TTC28: variants seen among roughly 807,000 people sequenced by gnomAD.
TTC28 encodes the protein tetratricopeptide repeat domain 28, also known as tetratricopeptide repeat protein 28.
In TTC28, 61 loss-of-function variants were observed where a neutral mutation model predicts 198.0. The observed-to-expected ratio is 0.31, with a 90% confidence interval of 0.25 to 0.38. The LOEUF (loss-of-function observed/expected upper bound fraction) is 0.38. Ranked by LOEUF, TTC28 falls within the 10% of genes least tolerant of loss-of-function variation. TTC28 has a pLI of 1.00. For missense variants in TTC28, 2,678 were observed against 3,164.0 expected (o/e 0.85, Z 3.69); for synonymous variants, 1,171 against 1,297.8 (o/e 0.90, Z 2.10).
chr22:28,506,114 G>C (rs891715241), intron 2 of TTC28, among the ~76,000 whole-genome samples: 1 of 152,116 alleles, frequency 6.6e-6, no homozygotes, highest in Non-Finnish European at 1.5e-5. Flanking sequence ...AGCCACTCCA[G>C]CCAGGGTTCT....
chr22:28,491,033 G>A (rs906888331), intron 2 of TTC28, among the ~76,000 whole-genome samples: 4 of 152,108 alleles, frequency 2.6e-5, no homozygotes, highest in East Asian at 1.9e-4. Flanking sequence ...TTTTTGGGGG[G>A]AAATAAAACT....
intron 2 of TTC28, among the ~76,000 whole-genome samples, chr22:28,542,196 G>A (rs910476666): frequency 9.9e-5 from 15 of 151,964 alleles, no homozygotes; most frequent in Non-Finnish European, 1.3e-4. Context: ...AAACTCACTA[G>A]ATAAATTAAC....
At chr22:28,662,171 T>C (rs1192812127) in intron 1 of TTC28, among the ~76,000 whole-genome samples, 7 of 152,358 alleles carry the variant, frequency 4.6e-5, no homozygotes, top group African/African-American at 1.4e-4. Flanking sequence ...ATCAGTATTA[T>C]AGAGACAAAT....
In TTC28 at chr22:28,099,028, G is replaced by A. The variant is rs748948933; in HGVS notation, c.3434C>T (p.Ala1145Val). Reference sequence around the variant, plus strand: ...CTCATGTCGGATTGTTTCAAACAAGGCTGATGCCCTATAAAGCTGCAAGGA... The same window carrying A: ...CTCATGTCGGATTGTTTCAAACAAGACTGATGCCCTATAAAGCTGCAAGGA... ...EAQHQLYRAS[A>V]LFETIRHEAQ... The change falls in exon 10 of 23, where the codon GCC becomes GTC. Residue 1145 changes from alanine to valine, a missense_variant. By Grantham distance (64) the Ala-to-Val change is moderately conservative. Coordinates refer to ENST00000397906, the MANE Select transcript of TTC28 (RefSeq NM_001145418.2). 3 of 1,551,872 alleles carry A rather than the reference G, an allele frequency of 1.9e-6. No homozygotes were observed. The African/African-American group carries it at 4.1e-5, about 21-fold the overall frequency.
At chr22:28,270,407 T>C (rs1931985117) in intron 5 of TTC28, among the ~76,000 whole-genome samples, 2 of 152,156 alleles carry the variant, frequency 1.3e-5, no homozygotes, top group African/African-American at 2.4e-5. Flanking sequence ...TACTATTAAA[T>C]AGTAGCAATC....
chr22:28,154,496 G>T (rs911782246), intron 6 of TTC28, among the ~76,000 whole-genome samples: 1 of 151,750 alleles, frequency 6.6e-6, no homozygotes, highest in African/African-American at 2.4e-5. Context: ...GACTACAGGC[G>T]CCTGCCGCCA....
chr22:28,282,904 C>CAT (rs2044611916), intron 5 of TTC28, among the ~76,000 whole-genome samples: 1 of 152,240 alleles, frequency 6.6e-6, no homozygotes, highest in Middle Eastern at 3.4e-3. Flanking sequence ...ATACATTATA[C>CAT]ATATATATAC....
chr22:28,324,204 C>A (rs1302100218), intron 2 of TTC28, among the ~76,000 whole-genome samples: 1 of 152,050 alleles, frequency 6.6e-6, no homozygotes, highest in Non-Finnish European at 1.5e-5. Context: ...GTAGTCCCAG[C>A]CATTTGGGAG....
Position 28,030,363 on chromosome 22 carries a change from G to A in TTC28, c.3936C>T (p.Ala1312=), listed in dbSNP as rs1013193369. The change falls in exon 13 of 23, where the codon GCC becomes GCT. Residue 1312 remains alanine, a synonymous_variant. Transcript: ENST00000397906. ...ALGVESHYSR[A]CASSETESEA... is the part of the protein sequence containing the mutation. ...CACTCTCTGTCTCACTGCTGGCACA[G>A]GCCCTGCAGGAAAAATTGCAGAAAA... 6.4e-6 allele frequency: 10 copies of A among 1,551,616 alleles called. No homozygotes were observed. The highest frequency in any genetic ancestry group is 7.8e-6 in the Non-Finnish European group (9 of 1,147,008).
At position 28,163,351 on chromosome 22, in the gene TTC28, G is replaced by C; in HGVS notation, c.1182C>G (p.Ala394=). ...AKDLGNKREE[A]RAYSNLGSAY... ...CACTGCCCAGGTTGCTATAAGCCCG[G>C]GCCTCTTCTCGCTTGTTCCCCAGGT... Residue 394 remains alanine (A), a synonymous_variant, in exon 6 of 23, where the codon GCC becomes GCG. Coordinates refer to ENST00000397906, the MANE Select transcript of TTC28 (RefSeq NM_001145418.2). The C allele has an allele frequency of 1.9e-6, 3 of 1,552,010 alleles. No homozygotes were observed. The highest frequency in any genetic ancestry group is 2.6e-6 in the Non-Finnish European group (3 of 1,147,054).
chr22:28,132,602 C>T (rs1326749822), intron 6 of TTC28, among the ~76,000 whole-genome samples: 3 of 152,146 alleles, frequency 2.0e-5, no homozygotes, highest in Admixed American at 2.0e-4. Flanking sequence ...TTAACTCTAG[C>T]TTATACCAAT....
intron 5 of TTC28, among the ~76,000 whole-genome samples, chr22:28,169,130 C>T (rs574795672): frequency 3.3e-5 from 5 of 152,272 alleles, no homozygotes; most frequent in South Asian, 2.1e-4. Context: ...GATACACCAT[C>T]GCACACCAGT....
intron 2 of TTC28, among the ~76,000 whole-genome samples, chr22:28,476,025 T>C (rs2048160605): frequency 6.6e-6 from 1 of 152,218 alleles, no homozygotes; most frequent in Admixed American, 6.5e-5. Context: ...TTAAACAGTA[T>C]AATCTTTTAA....
intron 2 of TTC28, among the ~76,000 whole-genome samples, chr22:28,363,050 G>A (rs1164653792): frequency 6.6e-6 from 1 of 152,176 alleles, no homozygotes; most frequent in Non-Finnish European, 1.5e-5. Flanking sequence ...TAAGTAACAA[G>A]GATCTGAATG....
At chr22:28,443,753 A>T (rs938952638) in intron 2 of TTC28, among the ~76,000 whole-genome samples, 4 of 152,108 alleles carry the variant, frequency 2.6e-5, no homozygotes, top group African/African-American at 9.7e-5. Context: ...ATCTGCTCCA[A>T]CACAAAAAGT....
At chr22:28,485,242 G>A (rs1424056631) in intron 2 of TTC28, among the ~76,000 whole-genome samples, 5 of 152,090 alleles carry the variant, frequency 3.3e-5, no homozygotes, top group Non-Finnish European at 7.4e-5. Flanking sequence ...TGTTAAATCA[G>A]TAATTCACAT....
At chr22:28,231,010 GTGA>G (rs1366317038) in intron 5 of TTC28, among the ~76,000 whole-genome samples, 1 of 152,126 alleles carries the variant, frequency 6.6e-6, no homozygotes, top group Non-Finnish European at 1.5e-5. Flanking sequence ...TATAACTTGG[GTGA>G]TGCCCAAGTT....
intron 1 of TTC28, among the ~76,000 whole-genome samples, chr22:28,652,948 C>G (rs2051586399): frequency 6.6e-6 from 1 of 152,182 alleles, no homozygotes. Context: ...TATATCATTT[C>G]CTGTTCTGAA....
chr22:28,579,725 T>C (rs540494653), intron 2 of TTC28, among the ~76,000 whole-genome samples: 1 of 151,950 alleles, frequency 6.6e-6, no homozygotes, highest in South Asian at 2.1e-4. Context: ...CCCAGCACTT[T>C]GGGAGGCCAA....
Sources: allele counts gnomAD v4.1 joint callset (sites outside exome capture counted in the v4.1 genomes callset), GRCh38; gene constraint gnomAD v4.1.1; transcripts MANE v1.5; gene names NCBI Gene and HGNC (gene_info 2026-07-23, HGNC 2026-07-21).